Variants in SOX5 observed in about 807,000 individuals in gnomAD.
The protein encoded by SOX5 is SRY-box transcription factor 5.
A neutral mutation model predicts 92.0 loss-of-function variants in SOX5; 9 were observed. The ratio of observed to expected loss-of-function variants is 0.10; its 90% CI spans 0.06 to 0.17. SOX5 has a LOEUF of 0.17. SOX5 is among the 10% of genes least tolerant of loss of function. SOX5 has a pLI of 1.00. For synonymous variants in SOX5, 344 were observed against 336.3 expected, an observed-to-expected ratio of 1.02 and a Z score of -0.25; for missense variants, 642 against 944.5, an observed-to-expected ratio of 0.68 and a Z score of 4.20.
chr12:23,864,242 C>A (rs894484701), intron 2 of SOX5, among the ~76,000 whole-genome samples: 2 of 152,028 alleles, frequency 1.3e-5, no homozygotes, highest in African/African-American at 2.4e-5. Flanking sequence ...CTGACTACAC[C>A]ATTGACTGCT....
chr12:23,933,276 A>G (rs992284856), intron 1 of SOX5, among the ~76,000 whole-genome samples: 4 of 151,634 alleles, frequency 2.6e-5, no homozygotes, highest in Non-Finnish European at 4.4e-5. Flanking sequence ...TACCCACGCT[A>G]TATATCCTGC....
At chr12:23,759,797 A>G (rs564461877) in intron 3 of SOX5, among the ~76,000 whole-genome samples, 9 of 152,238 alleles carry the variant, frequency 5.9e-5, no homozygotes, top group African/African-American at 2.2e-4. Context: ...TGAAGTGAAT[A>G]CAGTAATTAT....
At chr12:23,771,503 C>T (rs1172684462) in intron 3 of SOX5, among the ~76,000 whole-genome samples, 1 of 152,144 alleles carries the variant, frequency 6.6e-6, no homozygotes, top group Non-Finnish European at 1.5e-5. Context: ...GAACAAGGGT[C>T]GGGATTGAAT....
At chr12:23,742,184 C>T (rs895333322) in intron 4 of SOX5, among the ~76,000 whole-genome samples, 4 of 152,130 alleles carry the variant, frequency 2.6e-5, no homozygotes, top group Non-Finnish European at 1.5e-5. Flanking sequence ...CCAATTTAGG[C>T]TGAAACAGTT....
intron 4 of SOX5, among the ~76,000 whole-genome samples, chr12:24,131,568 C>T (rs1192794472): frequency 6.6e-6 from 1 of 152,162 alleles, no homozygotes; most frequent in Non-Finnish European, 1.5e-5. Context: ...TAAACTAACA[C>T]TTTAAATATG....
At chr12:24,223,838 G>A (rs113703032) in intron 3 of SOX5, among the ~76,000 whole-genome samples, 3 of 152,252 alleles carry the variant, frequency 2.0e-5, no homozygotes, top group African/African-American at 4.8e-5. Flanking sequence ...TTTTGCTTCC[G>A]TTAGAAAATG....
At chr12:24,089,698 G>T (rs1010707200) in intron 4 of SOX5, among the ~76,000 whole-genome samples, 1 of 152,134 alleles carries the variant, frequency 6.6e-6, no homozygotes, top group African/African-American at 2.4e-5. Flanking sequence ...CAGGCCTTAT[G>T]TGCTTTCCTC....
At chr12:24,102,440 A>C (rs1337969148) in intron 4 of SOX5, among the ~76,000 whole-genome samples, 1 of 152,202 alleles carries the variant, frequency 6.6e-6, no homozygotes, top group African/African-American at 2.4e-5. Flanking sequence ...CCATGGCTTT[A>C]ACATATTAGC....
intron 8 of SOX5, among the ~76,000 whole-genome samples, chr12:23,632,357 C>T (rs1003136365): frequency 2.0e-5 from 3 of 152,040 alleles, no homozygotes; most frequent in South Asian, 2.1e-4. Flanking sequence ...GAAAATGATA[C>T]GACCTAAAAG....
At chr12:23,987,391 G>A (rs749153576) in intron 4 of SOX5, among the ~76,000 whole-genome samples, 8 of 152,184 alleles carry the variant, frequency 5.3e-5, no homozygotes, top group Non-Finnish European at 7.3e-5. Context: ...ATGGATGTAA[G>A]CATTAATGCA....
intron 2 of SOX5, among the ~76,000 whole-genome samples, chr12:23,867,749 A>C (rs560168983): frequency 3.4e-4 from 51 of 152,166 alleles, no homozygotes; most frequent in South Asian, 8.3e-4. Flanking sequence ...CACCAAAATG[A>C]ACAGTGATGC....
intron 1 of SOX5, among the ~76,000 whole-genome samples, chr12:24,551,157 CTT>C (rs1330502845): frequency 1.3e-5 from 2 of 152,238 alleles, no homozygotes; most frequent in Admixed American, 1.3e-4. Flanking sequence ...GGGCAACTCT[CTT>C]TTCAGGCTGC....
chr12:24,117,546 G>A (rs966368233), intron 4 of SOX5, among the ~76,000 whole-genome samples: 4 of 152,162 alleles, frequency 2.6e-5, no homozygotes, highest in African/African-American at 9.7e-5. Flanking sequence ...CTTCACAGAA[G>A]CCAACATATG....
chr12:23,918,955 C>T (rs1051280532), intron 1 of SOX5, among the ~76,000 whole-genome samples: 1 of 151,596 alleles, frequency 6.6e-6, no homozygotes, highest in Admixed American at 6.6e-5. Flanking sequence ...AAAATGGCCC[C>T]CAATTCTTCC....
chr12:23,663,193 C>G (rs1382187171), intron 7 of SOX5, among the ~76,000 whole-genome samples: 1 of 152,114 alleles, frequency 6.6e-6, no homozygotes, highest in Non-Finnish European at 1.5e-5. Flanking sequence ...CTGCTTAGTT[C>G]TAGAGTTTGG....
chr12:24,324,612 T>C (rs576145688), intron 2 of SOX5, among the ~76,000 whole-genome samples: 23 of 152,272 alleles, frequency 1.5e-4, no homozygotes, highest in African/African-American at 4.6e-4. Context: ...GTGACAAATA[T>C]ATAGCATAGT....
chr12:24,329,445 G>C (rs895711623), intron 2 of SOX5, among the ~76,000 whole-genome samples: 9 of 152,094 alleles, frequency 5.9e-5, no homozygotes, highest in Non-Finnish European at 1.0e-4. Context: ...CAACATGGGG[G>C]AAAAGGCCCC....
intron 4 of SOX5, among the ~76,000 whole-genome samples, chr12:24,029,982 C>T (rs772224199): frequency 6.6e-6 from 1 of 151,910 alleles, no homozygotes; most frequent in African/African-American, 2.4e-5. Context: ...TAATACCTTT[C>T]ATTCTCATTG....
chr12:23,540,822 C>T (rs1055429921), intron 13 of SOX5, among the ~76,000 whole-genome samples: 1 of 152,150 alleles, frequency 6.6e-6, no homozygotes, highest in Non-Finnish European at 1.5e-5. Flanking sequence ...CCAGCTCAAG[C>T]GCCTGTTTTA....
Sources: allele counts gnomAD v4.1 joint callset (sites outside exome capture counted in the v4.1 genomes callset), GRCh38; gene constraint gnomAD v4.1.1; transcripts MANE v1.5; gene names NCBI Gene and HGNC (gene_info 2026-07-23, HGNC 2026-07-21).